SRRM3: variants seen among roughly 807,000 people sequenced by gnomAD.
SRRM3 encodes serine/arginine repetitive matrix protein 3.
Under a neutral mutation model 66.2 loss-of-function variants are expected in SRRM3, and 27 were observed. The observed-to-expected ratio is 0.41, with a 90% confidence interval of 0.30 to 0.56. SRRM3 has a LOEUF of 0.56. Ranked by LOEUF, SRRM3 falls within the 20% of genes least tolerant of loss-of-function variation. SRRM3 has a pLI of 0.32. For missense variants in SRRM3, 918 were observed against 991.9 expected (o/e 0.93, Z 1.00); for synonymous variants, 391 against 414.9 (o/e 0.94, Z 0.70).
chr7:76,258,442 C>T (rs1401370787), intron 3 of SRRM3, among the ~76,000 whole-genome samples: 2 of 152,070 alleles, frequency 1.3e-5, no homozygotes, highest in East Asian at 1.9e-4. Flanking sequence ...TTGCCGGGCG[C>T]GGTGGCTCAC....
At chr7:76,229,896 A>C (rs1311350655) in intron 1 of SRRM3, among the ~76,000 whole-genome samples, 1 of 152,042 alleles carries the variant, frequency 6.6e-6, no homozygotes, top group Non-Finnish European at 1.5e-5. Context: ...GGCATGCACC[A>C]CCATGACTGG....
intron 11 of SRRM3, 57 bp downstream of exon 11, chr7:76,267,492 T>G (rs1802099483): frequency 1.0e-6 from 1 of 965,720 alleles, no homozygotes; most frequent in Non-Finnish European, 1.3e-6. Context: ...CCGTGCGTGG[T>G]CGGGCGGGTC....
chr7:76,217,896 C>T (rs1275576726), intron 1 of SRRM3, among the ~76,000 whole-genome samples: 2 of 152,254 alleles, frequency 1.3e-5, no homozygotes, highest in East Asian at 1.9e-4. Flanking sequence ...TCTCACGACC[C>T]GAACCACTGT....
chr7:76,244,546 T>TGAAGAA (rs61538426), intron 2 of SRRM3, among the ~76,000 whole-genome samples: 1 of 143,006 alleles, frequency 7.0e-6, no homozygotes, highest in Admixed American at 7.1e-5. Context: ...AAAAAAAAGT[T>TGAAGAA]GAAGAAGAAG....
intron 8 of SRRM3, among the ~76,000 whole-genome samples, chr7:76,263,350 G>A (rs1801928181): frequency 1.3e-5 from 2 of 152,222 alleles, no homozygotes; most frequent in South Asian, 4.1e-4. Flanking sequence ...GGGTCAGAAG[G>A]ACTGAAGGGA....
Position 76,216,543 on chromosome 7 carries a change from G to A in SRRM3, c.-40+14476G>A, listed in dbSNP as rs151306735. 2.0e-5 allele frequency among the ~76,000 whole-genome samples: 3 copies of A among 152,332 alleles called. No individual in the cohort carries two copies. In the East Asian group the frequency reaches 5.8e-4, roughly 29 times the overall value. On this transcript the variant is annotated intron_variant, in intron 1 of 14. Coordinates refer to ENST00000611745, the MANE Select transcript of SRRM3 (RefSeq NM_001110199.3). ...GCGAGTCCCTGGCCTGTCTTCCTGA[G>A]AGAATGCTTACATGGAGCAGAGGAG... is the stretch of plus-strand genomic sequence containing the variant.
At chr7:76,265,542 G>C (rs1801987688) in intron 10 of SRRM3, 74 bp downstream of exon 10, 2 of 1,225,806 alleles carry the variant, frequency 1.6e-6, no homozygotes, top group Non-Finnish European at 2.3e-6. Flanking sequence ...CCAAGGGCTG[G>C]GGAGCAGGGC....
intron 1 of SRRM3, among the ~76,000 whole-genome samples, chr7:76,221,608 C>T (rs553168452): frequency 1.2e-4 from 19 of 152,232 alleles, no homozygotes; most frequent in African/African-American, 3.9e-4. Context: ...GTGATCCACC[C>T]GCCTCGGCCC....
intron 1 of SRRM3, among the ~76,000 whole-genome samples, chr7:76,230,107 T>C (rs1800976341): frequency 6.6e-6 from 1 of 152,166 alleles, no homozygotes; most frequent in African/African-American, 2.4e-5. Flanking sequence ...TCTGACTGTA[T>C]ATCCATGAGC....
intron 3 of SRRM3, among the ~76,000 whole-genome samples, chr7:76,255,391 C>T (rs1196384457): frequency 2.0e-5 from 3 of 151,960 alleles, no homozygotes; most frequent in Non-Finnish European, 4.4e-5. Context: ...TCAGGTGATC[C>T]GCCCGCCTTC....
chr7:76,209,029 G>A (rs561876191), intron 1 of SRRM3, among the ~76,000 whole-genome samples: 14 of 152,198 alleles, frequency 9.2e-5, no homozygotes, highest in African/African-American at 2.9e-4. Flanking sequence ...AGCCCAGAAA[G>A]TCAAGGCTGC....
intron 1 of SRRM3, among the ~76,000 whole-genome samples, chr7:76,218,637 G>A (rs1250997044): frequency 2.1e-5 from 3 of 145,894 alleles, no homozygotes; most frequent in Non-Finnish European, 3.0e-5. Context: ...CTACAGATCT[G>A]TCTACTAGGT....
At chr7:76,277,839 G>A (rs1480578228) in intron 11 of SRRM3, among the ~76,000 whole-genome samples, 7 of 151,898 alleles carry the variant, frequency 4.6e-5, no homozygotes, top group Admixed American at 1.3e-4. Context: ...CCTAAGTTCC[G>A]TACTCTGCCC....
chr7:76,233,576 C>T (rs1423144789), intron 1 of SRRM3, among the ~76,000 whole-genome samples: 2 of 152,004 alleles, frequency 1.3e-5, no homozygotes, highest in East Asian at 1.9e-4. Context: ...GGGCTGGTCT[C>T]GGGACAGAGG....
chr7:76,279,356 G>C (rs1802438463), intron 11 of SRRM3, among the ~76,000 whole-genome samples: 1 of 151,970 alleles, frequency 6.6e-6, no homozygotes, highest in Non-Finnish European at 1.5e-5. Context: ...CAGAATCAAA[G>C]TTTTACTAGG....
At chr7:76,228,597 A>G (rs1800937796) in intron 1 of SRRM3, among the ~76,000 whole-genome samples, 1 of 152,004 alleles carries the variant, frequency 6.6e-6, no homozygotes, top group South Asian at 2.1e-4. Flanking sequence ...AGTGGTGTGC[A>G]CCTGTAATCC....
intron 8 of SRRM3, among the ~76,000 whole-genome samples, chr7:76,263,460 T>C (rs1554609035): frequency 1.3e-5 from 2 of 151,882 alleles, no homozygotes; most frequent in Non-Finnish European, 2.9e-5. Flanking sequence ...AGGTAGAGGG[T>C]GCTGGGTTGG....
At chr7:76,206,171 C>G (rs1160590415) in intron 1 of SRRM3, among the ~76,000 whole-genome samples, 1 of 152,128 alleles carries the variant, frequency 6.6e-6, no homozygotes, top group Admixed American at 6.6e-5. Context: ...CCACACCAAG[C>G]AATTATTATT....
intron 1 of SRRM3, among the ~76,000 whole-genome samples, chr7:76,224,011 G>A (rs1583879326): frequency 3.7e-5 from 1 of 27,288 alleles, no homozygotes; most frequent in Admixed American, 5.0e-4. Flanking sequence ...CCCCTCCCCT[G>A]CCCCCACTTC....
Sources: gnomAD v4.1 joint callset for allele counts (sites outside exome capture counted in the v4.1 genomes callset) on GRCh38, gnomAD v4.1.1 for gene constraint, MANE v1.5 for transcripts, NCBI Gene and HGNC (gene_info 2026-07-23, HGNC 2026-07-21) for gene names.